SOX5: variants seen among roughly 807,000 people sequenced by gnomAD.
SOX5 encodes the protein transcription factor SOX-5.
In SOX5, 9 loss-of-function variants were observed where a neutral mutation model predicts 92.0. The ratio of observed to expected loss-of-function variants is 0.10; its 90% CI spans 0.06 to 0.17. SOX5 has a LOEUF of 0.17. Ranked by LOEUF, SOX5 falls within the 10% of genes least tolerant of loss-of-function variation. The pLI is 1.00. For synonymous variants in SOX5, 344 were observed against 336.3 expected (o/e 1.02, Z -0.25); for missense variants, 642 against 944.5 (o/e 0.68, Z 4.20).
chr12:23,578,146 A>AAAAAAAAAC (rs1565984217), intron 9 of SOX5, among the ~76,000 whole-genome samples: 2 of 137,318 alleles, frequency 1.5e-5, no homozygotes, highest in African/African-American at 5.3e-5. Flanking sequence ...AAAAAAAAAA[A>AAAAAAAAAC]AAAACTATAG....
chr12:23,557,641 T>C (rs1459926585), intron 11 of SOX5, among the ~76,000 whole-genome samples: 1 of 152,220 alleles, frequency 6.6e-6, no homozygotes, highest in Non-Finnish European at 1.5e-5. Flanking sequence ...CACATGCTTC[T>C]GTGTCATTCA....
chr12:23,589,866 C>T (rs1026513852), intron 9 of SOX5, among the ~76,000 whole-genome samples: 1 of 151,888 alleles, frequency 6.6e-6, no homozygotes, highest in African/African-American at 2.4e-5. Context: ...AATTACAAGC[C>T]AAGTATTGTG....
At chr12:23,862,822 CAT>C (rs1166597916) in intron 2 of SOX5, among the ~76,000 whole-genome samples, 1 of 152,138 alleles carries the variant, frequency 6.6e-6, no homozygotes, top group Non-Finnish European at 1.5e-5. Flanking sequence ...GTAAATGTGG[CAT>C]ATGTTTGTAT....
chr12:24,203,180 C>G (rs1291782992), intron 4 of SOX5, among the ~76,000 whole-genome samples: 2 of 152,116 alleles, frequency 1.3e-5, no homozygotes, highest in Non-Finnish European at 2.9e-5. Flanking sequence ...TATCCTATTA[C>G]TTTCATTATT....
At chr12:23,543,852 T>G (rs1942607282) in intron 12 of SOX5, among the ~76,000 whole-genome samples, 1 of 152,168 alleles carries the variant, frequency 6.6e-6, no homozygotes. Context: ...GTTCTCTTTC[T>G]CTCTCCGAGG....
At chr12:24,091,607 A>G (rs1448225418) in intron 4 of SOX5, among the ~76,000 whole-genome samples, 1 of 151,944 alleles carries the variant, frequency 6.6e-6, no homozygotes, top group Non-Finnish European at 1.5e-5. Context: ...TTTTTTTGTG[A>G]GAATACTATT....
At chr12:24,039,917 T>C (rs1377099142) in intron 4 of SOX5, among the ~76,000 whole-genome samples, 2 of 152,214 alleles carry the variant, frequency 1.3e-5, no homozygotes, top group Non-Finnish European at 2.9e-5. Flanking sequence ...GCAGATACAA[T>C]AGAAGTGAAC....
intron 4 of SOX5, among the ~76,000 whole-genome samples, chr12:24,150,248 C>G (rs1041730601): frequency 6.6e-6 from 1 of 152,140 alleles, no homozygotes. Context: ...TCTCTATTTA[C>G]TGCACTGTTA....
At chr12:23,537,301 A>C (rs555471812) in intron 13 of SOX5, among the ~76,000 whole-genome samples, 3 of 152,282 alleles carry the variant, frequency 2.0e-5, no homozygotes, top group Non-Finnish European at 4.4e-5. Flanking sequence ...CTTTCACCTC[A>C]ATCTTATAAA....
chr12:24,076,134 T>C (rs1198123288), intron 4 of SOX5, among the ~76,000 whole-genome samples: 1 of 152,148 alleles, frequency 6.6e-6, no homozygotes, highest in Non-Finnish European at 1.5e-5. Flanking sequence ...CTCTCCAACA[T>C]GTGTGGCATC....
At chr12:23,694,613 G>A (rs2140098252) in intron 6 of SOX5, among the ~76,000 whole-genome samples, 1 of 152,014 alleles carries the variant, frequency 6.6e-6, no homozygotes, top group East Asian at 1.9e-4. Flanking sequence ...TGTGAAAAAT[G>A]CAGAAAACCA....
At chr12:24,433,459 T>G (rs190904108) in intron 1 of SOX5, among the ~76,000 whole-genome samples, 25 of 152,330 alleles carry the variant, frequency 1.6e-4, no homozygotes, top group Admixed American at 3.3e-4. Flanking sequence ...TGAACTAAGT[T>G]TGTCTTGATT....
rs56206607 is a variant in SOX5, at chr12:24,444,270, ATGTGTGTGTGTGTGTG to A, written c.-250-75647_-250-75632del. On this transcript the variant is annotated intron_variant, in intron 1 of 4. Coordinates refer to the SOX5 transcript ENST00000446891. ...ACTCAACACTGTGCCAGGCCACTGA[ATGTGTGTGTGTGTGTG>A]TGTGTGTGTGTGTGTGTGCACCCAT... Among the ~76,000 whole-genome samples, 66 of 149,244 alleles carry A rather than the reference ATGTGTGTGTGTGTGTG, an allele frequency of 4.4e-4. 1 individual carries two copies. The South Asian group carries it at 0.014, about 31-fold the overall frequency.
At chr12:24,098,127 G>A (rs1945646662) in intron 4 of SOX5, among the ~76,000 whole-genome samples, 1 of 152,100 alleles carries the variant, frequency 6.6e-6, no homozygotes, top group African/African-American at 2.4e-5. Flanking sequence ...TGTGATGCTT[G>A]GAAGTTCGTA....
At chr12:23,783,170 A>T (rs1021637288) in intron 3 of SOX5, among the ~76,000 whole-genome samples, 2 of 152,162 alleles carry the variant, frequency 1.3e-5, no homozygotes, top group Admixed American at 1.3e-4. Flanking sequence ...GTCTTCATCC[A>T]CTAGTATATA....
rs925831914 is a variant in SOX5, at chr12:23,943,187, G to A, written c.38+6377C>T. 2.0e-5 allele frequency among the ~76,000 whole-genome samples: 3 copies of A among 151,672 alleles called. No homozygotes were observed. In the East Asian group the frequency reaches 5.8e-4, roughly 29 times the overall value. On this transcript the variant is annotated intron_variant, in intron 1 of 14. Coordinates refer to ENST00000451604, the MANE Select transcript of SOX5 (RefSeq NM_006940.6). ...TCACAAATGCTTTCATTTCAGCAAA[G>A]AGAAGGGCCACAGAATATCAGAGAT...
chr12:23,947,548 C>G (rs1944793792), intron 1 of SOX5, among the ~76,000 whole-genome samples: 1 of 151,638 alleles, frequency 6.6e-6, no homozygotes, highest in African/African-American at 2.4e-5. Flanking sequence ...CAATTACAAC[C>G]ACAGGGGAAA....
intron 4 of SOX5, among the ~76,000 whole-genome samples, chr12:24,192,283 T>C (rs2139420551): frequency 6.6e-6 from 1 of 152,302 alleles, no homozygotes; most frequent in East Asian, 1.9e-4. Context: ...ATGGACAAAA[T>C]TTATGCTTAG....
intron 2 of SOX5, among the ~76,000 whole-genome samples, chr12:24,279,376 T>C (rs750860214): frequency 1.3e-5 from 2 of 152,146 alleles, no homozygotes; most frequent in African/African-American, 2.4e-5. Flanking sequence ...TTATAAGTAC[T>C]CTGCACCCAA....
Sources: gnomAD v4.1 joint callset for allele counts (sites outside exome capture counted in the v4.1 genomes callset) on GRCh38, gnomAD v4.1.1 for gene constraint, MANE v1.5 for transcripts, NCBI Gene and HGNC (gene_info 2026-07-23, HGNC 2026-07-21) for gene names.